FOXS1: variants seen among roughly 807,000 people sequenced by gnomAD.
FOXS1 encodes forkhead box S1, also known as forkhead box protein S1.
In FOXS1, 7 loss-of-function variants were observed where a neutral mutation model predicts 13.0. The observed-to-expected ratio is 0.54, with a 90% CI of 0.31 to 1.01. The LOEUF (loss-of-function observed/expected upper bound fraction) is 1.01. FOXS1 is among the 50% of genes least tolerant of loss of function. The pLI, the probability that FOXS1 is intolerant of heterozygous loss-of-function variation, is 0.06. For missense variants in FOXS1, 414 were observed against 464.1 expected, an observed-to-expected ratio of 0.89 and a Z score of 0.99; for synonymous variants, 161 against 189.3, an observed-to-expected ratio of 0.85 and a Z score of 1.23.
chr20:31,844,482 A>T lies in FOXS1; in HGVS notation c.*68T>A. The T allele has an allele frequency of 6.4e-7, 1 of 1,553,112 alleles. No individual in the cohort carries two copies. The highest frequency in any genetic ancestry group is 8.8e-7 in the Non-Finnish European group (1 of 1,141,484). ...GGGCTGGGTCCTTCGAGAGTTCTTCAGGTCCTAGAGCCAGGCTCAGCCCGG... is the reference window on the plus strand; with the variant it reads ...GGGCTGGGTCCTTCGAGAGTTCTTCTGGTCCTAGAGCCAGGCTCAGCCCGG... On this transcript the variant is annotated 3_prime_UTR_variant, in exon 1 of 1. Transcript: ENST00000375978.
Sources: allele counts gnomAD v4.1 joint callset, GRCh38; gene constraint gnomAD v4.1.1; transcripts MANE v1.5; gene names NCBI Gene and HGNC (gene_info 2026-07-23, HGNC 2026-07-21).